The following CALY variants were observed in gnomAD, a reference collection of about 807,000 sequenced individuals.
CALY encodes calcyon neuron specific vesicular protein.
In CALY, 15 loss-of-function variants were observed where a neutral mutation model predicts 20.2. The ratio of observed to expected loss-of-function variants is 0.74; its 90% CI spans 0.50 to 1.14. The LOEUF is 1.14. CALY is among the 50% of genes most tolerant of loss of function. The probability of loss-of-function intolerance (pLI) is 0.00; values close to 1 mark genes in which losing one functional copy is unlikely to be tolerated. For missense variants in CALY, 270 were observed against 304.4 expected (o/e 0.89, Z 0.84); for synonymous variants, 129 against 131.8 (o/e 0.98, Z 0.15).
At chr10:133,329,951 C>A (rs1459334048) in intron 1 of CALY, among the ~76,000 whole-genome samples, 5 of 152,176 alleles carry the variant, frequency 3.3e-5, no homozygotes, top group African/African-American at 7.2e-5. Flanking sequence ...GCGAGCCTGG[C>A]GCTAAAGGCC....
At position 133,324,871 on chromosome 10, in the gene CALY, G is replaced by A; in HGVS notation, c.*724C>T. 1 of 289,196 alleles carries A rather than the reference G, an allele frequency of 3.5e-6. No homozygotes were observed. Among genetic ancestry groups the A allele is most frequent in the Non-Finnish European group, 6.8e-6 (1 of 147,396 alleles). The allele number at this position is 289,196 out of a possible 1,614,324, so 17.9% of individuals were successfully genotyped here. On this transcript the variant is annotated 3_prime_UTR_variant, in exon 6 of 6. Transcript: ENST00000252939. The stretch of plus-strand genomic sequence containing the variant: ...ATCTTTCATCTGGCTCCAGGGACAC[G>A]GGAGACCCCAGCCCCCAGGAACCAG...
chr10:133,332,348 A>G (rs1219800503), intron 1 of CALY, among the ~76,000 whole-genome samples: 1 of 152,228 alleles, frequency 6.6e-6, no homozygotes, highest in Non-Finnish European at 1.5e-5. Flanking sequence ...CATTACACAG[A>G]GAAGTCTACT....
intron 1 of CALY, among the ~76,000 whole-genome samples, chr10:133,329,392 C>CTTTTT (rs112012967): frequency 1.5e-5 from 2 of 137,458 alleles, no homozygotes; most frequent in African/African-American, 5.8e-5. Context: ...TCTTCTTCTT[C>CTTTTT]TTTTTTTTTT....
Position 133,336,455 on chromosome 10 carries a change from A to G in CALY, c.-21+379T>C, listed in dbSNP as rs557420801. On this transcript the variant is annotated intron_variant, in intron 1 of 5. Coordinates refer to ENST00000252939, the MANE Select transcript of CALY (RefSeq NM_015722.4). Reference sequence around the variant, plus strand: ...CCTCCCCACCCCGCCTCCGGCGGACAGAGCTGGGCGGGAGCTGGGACTGGT... The same window carrying G: ...CCTCCCCACCCCGCCTCCGGCGGACGGAGCTGGGCGGGAGCTGGGACTGGT... Among the ~76,000 whole-genome samples, 4 of 149,468 alleles carry G rather than the reference A, an allele frequency of 2.7e-5. No homozygotes were observed. The South Asian group carries it at 8.8e-4, about 33-fold the overall frequency.
In CALY at chr10:133,324,402, C is replaced by T. The variant is rs1031996238; in HGVS notation, c.*1193G>A. ...ACTGAGCTGGGAAGCTGCCTAGACC[C>T]GCACCTAGCCAGCAAGCCTGGGAGC... On this transcript the variant is annotated 3_prime_UTR_variant, in exon 6 of 6. Transcript: ENST00000252939. 8.8e-6 allele frequency: 4 copies of T among 454,558 alleles called. No homozygotes were observed. Among genetic ancestry groups the T allele is most frequent in the South Asian group, 3.1e-5 (2 of 64,518 alleles). 28.2% of individuals were successfully genotyped at this position (454,558 alleles called of 1,614,324 possible).
intron 3 of CALY, 43 bp from the exon 4 acceptor site, chr10:133,327,034 G>A (rs1294454772): frequency 7.0e-7 from 1 of 1,431,682 alleles, no homozygotes; most frequent in Non-Finnish European, 9.7e-7. Flanking sequence ...CCAGGCAGGG[G>A]CGGTCTTTGT....
Position 133,325,972 on chromosome 10 carries a change from C to T in CALY, c.509G>A (p.Arg170His). 1 of 1,545,138 alleles carries T rather than the reference C, an allele frequency of 6.5e-7. No homozygotes were observed. The highest frequency in any genetic ancestry group is 8.7e-7 in the Non-Finnish European group (1 of 1,144,128). The change falls in exon 5 of 6, where the codon CGC (arginine) becomes CAC (histidine). Residue 170 changes from arginine to histidine, a missense_variant. Physicochemically the swap from Arg to His is conservative, Grantham distance 29. Coordinates refer to ENST00000252939, the MANE Select transcript of CALY (RefSeq NM_015722.4). ...CCCCTTGCGCTCCTCCTTGGCTGCG[C>T]GGTAGCCGTCCCCCCAGGCCGCCGG... is the stretch of plus-strand genomic sequence containing the variant. ...ETPAAWGDGY[R>H]AAKEERKGPT...
chr10:133,332,741 C>T (rs1214241870), intron 1 of CALY, among the ~76,000 whole-genome samples: 1 of 152,142 alleles, frequency 6.6e-6, no homozygotes, highest in Non-Finnish European at 1.5e-5. Flanking sequence ...ATAAACTCGT[C>T]CTGAATCAGC....
chr10:133,327,889 G>C lies in CALY; in HGVS notation c.246+16C>G, dbSNP rs376254611. On this transcript the variant is annotated intron_variant, in intron 3 of 5. Coordinates refer to ENST00000252939, the MANE Select transcript of CALY (RefSeq NM_015722.4). ...CTGTCCTGAGTCCCCACAGTGGGTG[G>C]GGTGGGTGTGGTTACCCTGCGCCCT... is the stretch of plus-strand genomic sequence containing the variant. 1.3e-6 allele frequency: 2 copies of C among 1,535,844 alleles called. No homozygotes were observed. Among genetic ancestry groups the C allele is most frequent in the Non-Finnish European group, 1.8e-6 (2 of 1,110,906 alleles).
intron 1 of CALY, among the ~76,000 whole-genome samples, chr10:133,330,332 G>A (rs1231293512): frequency 1.6e-5 from 2 of 127,890 alleles, no homozygotes; most frequent in African/African-American, 6.2e-5. Flanking sequence ...CAGCCTAGGT[G>A]ACAGAACGAA....
At chr10:133,328,157 G>A in intron 2 of CALY, 142 bp from the exon 3 acceptor site, 2 of 639,156 alleles carry the variant, frequency 3.1e-6, no homozygotes, top group South Asian at 1.8e-5. Flanking sequence ...TCTGGTGGAT[G>A]GCAGGGCTCC....
chr10:133,326,169 G>A, intron 4 of CALY, 49 bp from the exon 5 acceptor site: 2 of 1,574,060 alleles, frequency 1.3e-6, no homozygotes, highest in Non-Finnish European at 1.7e-6. Flanking sequence ...CCTCCTGTGC[G>A]CCCCGGGCCC....
chr10:133,324,871 G>C lies in CALY; in HGVS notation c.*724C>G. On this transcript the variant is annotated 3_prime_UTR_variant, in exon 6 of 6. Coordinates refer to ENST00000252939, the MANE Select transcript of CALY (RefSeq NM_015722.4). ...ATCTTTCATCTGGCTCCAGGGACAC[G>C]GGAGACCCCAGCCCCCAGGAACCAG... The C allele has an allele frequency of 3.5e-6, 1 of 289,196 alleles. No homozygotes were observed. The highest frequency in any genetic ancestry group is 6.8e-6 in the Non-Finnish European group (1 of 147,396). 17.9% of individuals were successfully genotyped at this position (289,196 alleles called of 1,614,324 possible). A position where few individuals can be genotyped will look rare whatever the true frequency, so the allele number is the denominator to read the frequency against.
intron 1 of CALY, among the ~76,000 whole-genome samples, chr10:133,332,227 G>A (rs1206800203): frequency 2.0e-5 from 3 of 152,216 alleles, no homozygotes; most frequent in Non-Finnish European, 4.4e-5. Context: ...CTGCGTGGTG[G>A]AAAAAGTCCC....
intron 1 of CALY, among the ~76,000 whole-genome samples, chr10:133,329,529 G>C (rs1162215518): frequency 6.6e-6 from 1 of 151,950 alleles, no homozygotes; most frequent in South Asian, 2.1e-4. Context: ...TGGGACCACA[G>C]TGCGCCCCAC....
Position 133,324,288 on chromosome 10 carries a change from G to A in CALY, c.*1307C>T. ...GGCCCTGCCTTCCCTGACCCCACCT[G>A]GCTGGCTTCCAGCTCACCATGGCTT... is the stretch of plus-strand genomic sequence containing the variant. On this transcript the variant is annotated 3_prime_UTR_variant, in exon 6 of 6. Transcript: ENST00000252939. 2.2e-6 allele frequency: 1 copy of A among 453,814 alleles called. No homozygotes were observed. The highest frequency in any genetic ancestry group is 4.4e-6 in the Non-Finnish European group (1 of 225,898). 28.1% of individuals were successfully genotyped at this position (453,814 alleles called of 1,614,324 possible).
chr10:133,333,677 T>G (rs1460363305), intron 1 of CALY, among the ~76,000 whole-genome samples: 17 of 13,592 alleles, frequency 1.3e-3, no homozygotes, highest in South Asian at 2.4e-3. Context: ...GATCTGAGAG[T>G]GGAAGGCTCT....
intron 1 of CALY, among the ~76,000 whole-genome samples, chr10:133,333,425 G>A (rs1848352453): frequency 6.7e-6 from 1 of 148,318 alleles, no homozygotes; most frequent in South Asian, 2.2e-4. Flanking sequence ...ACGATCTGAA[G>A]GGAAGGGACC....
rs529849821 is a variant in CALY, at chr10:133,326,448, A to T, written c.361-328T>A. On this transcript the variant is annotated intron_variant, in intron 4 of 5. Transcript: ENST00000252939. ...AAAAGGAGCAGATTTTACTTCTGATAAATAAAAGGCTTTCTAAAAACACAC... is the reference window on the plus strand; with the variant it reads ...AAAAGGAGCAGATTTTACTTCTGATTAATAAAAGGCTTTCTAAAAACACAC... 2.4e-5 allele frequency: 14 copies of T among 576,354 alleles called. No individual in the cohort carries two copies. The East Asian group carries it at 3.7e-4, about 15-fold the overall frequency. The allele number at this position is 576,354 out of a possible 1,614,324, so 35.7% of individuals were successfully genotyped here.
Sources: allele counts gnomAD v4.1 joint callset (sites outside exome capture counted in the v4.1 genomes callset), GRCh38; gene constraint gnomAD v4.1.1; transcripts MANE v1.5; gene names NCBI Gene and HGNC (gene_info 2026-07-23, HGNC 2026-07-21).